Variants in SQOR observed in about 807,000 individuals in gnomAD.
SQOR encodes sulfide quinone oxidoreductase.
SQOR carries 39 observed loss-of-function variants against 48.6 expected under a neutral mutation model. The observed-to-expected ratio is 0.80, with a 90% CI of 0.62 to 1.05. The LOEUF is 1.05. Ranked by LOEUF, SQOR falls within the 50% of genes least tolerant of loss-of-function variation. The probability of loss-of-function intolerance (pLI) is 0.00; values close to 1 mark genes in which losing one functional copy is unlikely to be tolerated. For synonymous variants in SQOR, 220 were observed against 206.2 expected (o/e 1.07, Z -0.57); for missense variants, 561 against 559.9 (o/e 1.00, Z -0.02).
chr15:45,632,746 G>A (rs745798255), upstream of SQOR, among the ~76,000 whole-genome samples: 1 of 152,072 alleles, frequency 6.6e-6, no homozygotes, highest in African/African-American at 2.4e-5. Flanking sequence ...GAGTCTATTG[G>A]CATTTAGAGA....
In SQOR at chr15:45,684,452, G is replaced by A. The variant is rs182545029; in HGVS notation, c.1048+1791G>A. Among the ~76,000 whole-genome samples the A allele has an allele frequency of 5.9e-5, 9 of 152,118 alleles. No individual in the cohort carries two copies. The East Asian group carries it at 7.7e-4, about 13-fold the overall frequency. ...TAGAATTGTCTAGTTGCTTTCTTACGGTTAGATTCAGGTTATATGTTTTGG... is the reference window on the plus strand; with the variant it reads ...TAGAATTGTCTAGTTGCTTTCTTACAGTTAGATTCAGGTTATATGTTTTGG... On this transcript the variant is annotated intron_variant, in intron 7 of 9. Coordinates refer to ENST00000260324, the MANE Select transcript of SQOR (RefSeq NM_021199.4).
chr15:45,658,728 C>T (rs1024308638), intron 1 of SQOR, among the ~76,000 whole-genome samples, 179 bp from the exon 2 acceptor site: 1 of 152,150 alleles, frequency 6.6e-6, no homozygotes, highest in Non-Finnish European at 1.5e-5. Context: ...TGATAGCTAC[C>T]AATTGGGTGC....
At chr15:45,643,422 C>T (rs1895140335) in intron 1 of SQOR, among the ~76,000 whole-genome samples, 1 of 152,146 alleles carries the variant, frequency 6.6e-6, no homozygotes, top group Admixed American at 6.5e-5. Flanking sequence ...GTCTCAATCT[C>T]CTGACCTCAT....
intron 1 of SQOR, among the ~76,000 whole-genome samples, chr15:45,658,624 A>G (rs1444385191): frequency 2.0e-5 from 3 of 152,200 alleles, no homozygotes; most frequent in African/African-American, 4.8e-5. Flanking sequence ...ACAGGTTATT[A>G]GGAAGGACTT....
At chr15:45,679,671 T>A (rs1890092271) in intron 6 of SQOR, among the ~76,000 whole-genome samples, 1 of 152,212 alleles carries the variant, frequency 6.6e-6, no homozygotes, top group Non-Finnish European at 1.5e-5. Context: ...TCTAGTCTAG[T>A]GCATTTCTTT....
rs915367068 is a variant in SQOR at position 45,672,291 on chromosome 15, C to T, written c.460-1316C>T. Among the ~76,000 whole-genome samples the T allele has an allele frequency of 5.3e-5, 8 of 152,166 alleles. No individual in the cohort carries two copies. In the East Asian group the frequency reaches 1.5e-3, roughly 29 times the overall value. On this transcript the variant is annotated intron_variant, in intron 4 of 9. Coordinates refer to ENST00000260324, the MANE Select transcript of SQOR (RefSeq NM_021199.4). ...TCTAGGGGTTAATATTCCCCTGCCT[C>T]CCTCAGAAGTACATAGTGAATATCC...
At chr15:45,660,527 C>T (rs889044300) in intron 2 of SQOR, among the ~76,000 whole-genome samples, 10 of 152,260 alleles carry the variant, frequency 6.6e-5, no homozygotes, top group African/African-American at 1.2e-4. Flanking sequence ...ACAATTCAGG[C>T]GGCCAGAATC....
intron 7 of SQOR, among the ~76,000 whole-genome samples, chr15:45,685,324 A>T (rs987516277): frequency 1.5e-4 from 23 of 152,092 alleles, no homozygotes; most frequent in Admixed American, 1.5e-3. Flanking sequence ...TTTTCCACAA[A>T]TCTGTCCTTG....
chr15:45,662,755 C>A (rs1294158956), intron 3 of SQOR, among the ~76,000 whole-genome samples: 1 of 152,216 alleles, frequency 6.6e-6, no homozygotes, highest in Non-Finnish European at 1.5e-5. Flanking sequence ...TGGTGGAAGG[C>A]CTGCTCAGAA....
chr15:45,673,047 T>G (rs556047110), intron 4 of SQOR, among the ~76,000 whole-genome samples: 1 of 152,316 alleles, frequency 6.6e-6, no homozygotes, highest in South Asian at 2.1e-4. Context: ...GCACCACACT[T>G]GGAGACCTAC....
Position 45,662,009 on chromosome 15 carries a change from TC to T in SQOR, c.291del (p.Ser98HisfsTer9), listed in dbSNP as rs780501293. On this transcript the variant is annotated frameshift_variant, in exon 3 of 10. Transcript: ENST00000260324. LOFTEE classifies it high-confidence loss of function. ...TLVGAGAKQL[S>X]SSGRPTASVI... is the part of the protein sequence containing the mutation. Reference sequence around the variant, plus strand: ...GGTGGGTGCTGGTGCCAAACAATTGTCCTCATCTGGTCGTCCCACGGCAAGT... The same window carrying T: ...GGTGGGTGCTGGTGCCAAACAATTGTCTCATCTGGTCGTCCCACGGCAAGT... 6.2e-7 allele frequency: 1 copy of T among 1,614,218 alleles called. No individual in the cohort carries two copies. The highest frequency in any genetic ancestry group is 8.5e-7 in the Non-Finnish European group (1 of 1,180,026).
In SQOR at chr15:45,664,604, A is replaced by G. The variant is rs1889780832; in HGVS notation, c.405+2479A>G. 2.6e-5 allele frequency among the ~76,000 whole-genome samples: 4 copies of G among 152,094 alleles called. No individual in the cohort carries two copies. The South Asian group carries it at 8.3e-4, about 31-fold the overall frequency. On this transcript the variant is annotated intron_variant, in intron 3 of 9. Transcript: ENST00000260324. ...GAACAGCCCAGAATAGCGTGGAGCCATTCTCTCCCATGATCTCATGCTGCA... is the reference window on the plus strand; with the variant it reads ...GAACAGCCCAGAATAGCGTGGAGCCGTTCTCTCCCATGATCTCATGCTGCA...
At chr15:45,633,689 G>A (rs1167103350), upstream of SQOR, among the ~76,000 whole-genome samples, 4 of 108,496 alleles carry the variant, frequency 3.7e-5, no homozygotes, top group Admixed American at 3.8e-4. Context: ...GTGAGACTTC[G>A]CCTCAAAAAA....
chr15:45,660,357 C>T (rs553131368), intron 2 of SQOR, among the ~76,000 whole-genome samples: 4 of 152,290 alleles, frequency 2.6e-5, no homozygotes, highest in Admixed American at 6.5e-5. Flanking sequence ...TTTAAAGTGA[C>T]GTCTGTTCAA....
chr15:45,688,420 A>G lies in SQOR; in HGVS notation c.1116+16A>G, dbSNP rs756824554. 1.3e-6 allele frequency: 2 copies of G among 1,556,134 alleles called. No homozygotes were observed. The highest frequency in any genetic ancestry group is 1.8e-6 in the Non-Finnish European group (2 of 1,137,124). On this transcript the variant is annotated intron_variant, in intron 8 of 9. Coordinates refer to ENST00000260324, the MANE Select transcript of SQOR (RefSeq NM_021199.4). ...AACAAAGAAGGTTTGTATGCCTTGT[A>G]AGAATCACTGTCTCAATGATCATCT...
intron 7 of SQOR, among the ~76,000 whole-genome samples, chr15:45,686,250 C>T (rs770681182): frequency 6.6e-6 from 1 of 152,030 alleles, no homozygotes; most frequent in Non-Finnish European, 1.5e-5. Context: ...CTCCTGGGTT[C>T]AAGCAATTCT....
chr15:45,633,034 G>A (rs1894926176), upstream of SQOR, among the ~76,000 whole-genome samples: 2 of 151,706 alleles, frequency 1.3e-5, no homozygotes, highest in African/African-American at 4.8e-5. Context: ...GAGGTAGGAG[G>A]ACTGTTTAAG....
At chr15:45,662,238 C>T in intron 3 of SQOR, 113 bp downstream of exon 3, 2 of 1,134,510 alleles carry the variant, frequency 1.8e-6, no homozygotes, top group East Asian at 2.5e-5. Flanking sequence ...CATGTGTGTG[C>T]ATGAACGTAT....
chr15:45,640,224 A>C (rs1374991589), intron 1 of SQOR, among the ~76,000 whole-genome samples: 1 of 152,220 alleles, frequency 6.6e-6, no homozygotes, highest in African/African-American at 2.4e-5. Flanking sequence ...AGTTATTAGA[A>C]CAAGCGTCCC....
Sources: gnomAD v4.1 joint callset for allele counts (sites outside exome capture counted in the v4.1 genomes callset) on GRCh38, gnomAD v4.1.1 for gene constraint, MANE v1.5 for transcripts, NCBI Gene and HGNC (gene_info 2026-07-23, HGNC 2026-07-21) for gene names.